CTNNA2: variants seen among roughly 807,000 people sequenced by gnomAD.
CTNNA2 encodes the protein catenin alpha 2.
In CTNNA2, 42 loss-of-function variants were observed where a neutral mutation model predicts 101.0. That is an observed-to-expected ratio of 0.42 (90% CI 0.32 to 0.54). CTNNA2 has a LOEUF of 0.54. Ranked by LOEUF, CTNNA2 falls within the 20% of genes least tolerant of loss-of-function variation. CTNNA2 has a pLI of 0.14. For missense variants in CTNNA2, 871 were observed against 1,223.1 expected (o/e 0.71, Z 4.29); for synonymous variants, 450 against 456.4 (o/e 0.99, Z 0.18).
At chr2:79,944,041 T>C (rs1688330321) in intron 7 of CTNNA2, among the ~76,000 whole-genome samples, 1 of 152,222 alleles carries the variant, frequency 6.6e-6, no homozygotes, top group Non-Finnish European at 1.5e-5. Flanking sequence ...ATGAGAATGC[T>C]GCAGCCTGAA....
chr2:80,124,558 G>A (rs1336668992), intron 7 of CTNNA2, among the ~76,000 whole-genome samples: 1 of 152,022 alleles, frequency 6.6e-6, no homozygotes, highest in Non-Finnish European at 1.5e-5. Context: ...TCCAAACATA[G>A]TTTACTAAAT....
chr2:80,318,920 T>A (rs1186354354), intron 7 of CTNNA2, among the ~76,000 whole-genome samples: 1 of 152,196 alleles, frequency 6.6e-6, no homozygotes, highest in Non-Finnish European at 1.5e-5. Context: ...ATTGGCAGTA[T>A]CAGAATGATC....
chr2:79,373,375 T>A (rs555402655), intron 3 of CTNNA2, among the ~76,000 whole-genome samples: 1 of 152,334 alleles, frequency 6.6e-6, no homozygotes, highest in African/African-American at 2.4e-5. Flanking sequence ...TTATACTCCC[T>A]GATAATTATT....
chr2:79,691,333 G>A (rs1474101944), intron 2 of CTNNA2, among the ~76,000 whole-genome samples: 1 of 151,804 alleles, frequency 6.6e-6, no homozygotes, highest in South Asian at 2.1e-4. Context: ...ACATTTCCTT[G>A]GGAGTTATAC....
At chr2:79,795,915 G>T (rs1363109562) in intron 3 of CTNNA2, among the ~76,000 whole-genome samples, 1 of 152,124 alleles carries the variant, frequency 6.6e-6, no homozygotes, top group Non-Finnish European at 1.5e-5. Flanking sequence ...ACACAAAAGA[G>T]TTCCTAGTAT....
upstream of CTNNA2, among the ~76,000 whole-genome samples, chr2:79,509,147 G>A (rs1298479395): frequency 1.3e-5 from 2 of 151,454 alleles, no homozygotes; most frequent in African/African-American, 4.9e-5. Context: ...TACATAAAAC[G>A]ACAAAAGTGA....
upstream of CTNNA2, among the ~76,000 whole-genome samples, chr2:79,508,809 G>T (rs921873634): frequency 1.3e-5 from 2 of 151,594 alleles, no homozygotes; most frequent in South Asian, 4.2e-4. Flanking sequence ...CTTGTCCAAT[G>T]TCACAAACTA....
chr2:79,518,493 A>G (rs1193748878), intron 1 of CTNNA2, among the ~76,000 whole-genome samples: 1 of 152,212 alleles, frequency 6.6e-6, no homozygotes, highest in Non-Finnish European at 1.5e-5. Context: ...AGTAGGTCCA[A>G]TATCTTTTTT....
intron 7 of CTNNA2, among the ~76,000 whole-genome samples, chr2:79,990,852 G>T (rs2103894099): frequency 6.6e-6 from 1 of 152,284 alleles, no homozygotes; most frequent in Non-Finnish European, 1.5e-5. Flanking sequence ...CAGAAGGAAT[G>T]GTACCAGCTC....
intron 7 of CTNNA2, among the ~76,000 whole-genome samples, chr2:80,086,026 T>C (rs1295899419): frequency 6.6e-6 from 1 of 152,096 alleles, no homozygotes; most frequent in Non-Finnish European, 1.5e-5. Context: ...TATTTGGGAA[T>C]ATCTGACTTG....
At chr2:79,432,220 A>T (rs576215124) in intron 4 of CTNNA2, among the ~76,000 whole-genome samples, 1 of 152,312 alleles carries the variant, frequency 6.6e-6, no homozygotes, top group Admixed American at 6.5e-5. Context: ...AAGTATTTGC[A>T]AAGTACGATT....
chr2:79,610,624 T>C (rs889992568), intron 1 of CTNNA2, among the ~76,000 whole-genome samples: 2 of 152,104 alleles, frequency 1.3e-5, no homozygotes, highest in East Asian at 3.9e-4. Flanking sequence ...ATGTATACTA[T>C]AGGATTCCAT....
chr2:79,521,054 C>G (rs982300116), intron 1 of CTNNA2, among the ~76,000 whole-genome samples: 1 of 143,580 alleles, frequency 7.0e-6, no homozygotes, highest in Non-Finnish European at 1.5e-5. Flanking sequence ...ACCAAAATAC[C>G]TGTCAAATTC....
chr2:80,596,335 A>T (rs1474741393), intron 15 of CTNNA2, among the ~76,000 whole-genome samples: 1 of 64,570 alleles, frequency 1.5e-5, no homozygotes. Context: ...TTTGAGACGG[A>T]GTCTCGCTCT....
At chr2:80,355,119 C>G (rs1226805207) in intron 7 of CTNNA2, among the ~76,000 whole-genome samples, 1 of 152,168 alleles carries the variant, frequency 6.6e-6, no homozygotes, top group Non-Finnish European at 1.5e-5. Context: ...GGCAATGAAT[C>G]TTCTTCCTAA....
intron 3 of CTNNA2, among the ~76,000 whole-genome samples, chr2:79,346,587 C>T (rs1395810127): frequency 1.3e-5 from 2 of 152,090 alleles, no homozygotes; most frequent in African/African-American, 4.8e-5. Flanking sequence ...GGAAGAAACC[C>T]ACATCTGTAG....
In CTNNA2 at chr2:79,345,099, GT is replaced by G. The variant is rs1400346592; in HGVS notation, c.-317-28723del. 9.5e-4 allele frequency among the ~76,000 whole-genome samples: 45 copies of G among 47,504 alleles called. No homozygotes were observed. In the East Asian group the frequency reaches 0.018, roughly 19 times the overall value. 31.2% of individuals were successfully genotyped at this position (47,504 alleles called of 152,430 possible). On this transcript the variant is annotated intron_variant, in intron 3 of 21. Transcript: ENST00000466387. ...TTGTTAATATTTTATTATGGAATGTGTTTTTTTTTAAAAAAAAAAGCAAAAT... is the reference window on the plus strand; with the variant it reads ...TTGTTAATATTTTATTATGGAATGTGTTTTTTTTAAAAAAAAAAGCAAAAT...
At chr2:79,843,768 G>C (rs1009100992) in intron 3 of CTNNA2, among the ~76,000 whole-genome samples, 1 of 151,998 alleles carries the variant, frequency 6.6e-6, no homozygotes, top group East Asian at 1.9e-4. Context: ...ACCAGTTCTC[G>C]TACTTACCAC....
intron 4 of CTNNA2, among the ~76,000 whole-genome samples, chr2:79,458,528 T>C (rs1558670934): frequency 6.6e-6 from 1 of 152,136 alleles, no homozygotes; most frequent in Non-Finnish European, 1.5e-5. Context: ...ACTCACTTAT[T>C]TTTTCATCAC....
Sources: gnomAD v4.1 joint callset for allele counts (sites outside exome capture counted in the v4.1 genomes callset) on GRCh38, gnomAD v4.1.1 for gene constraint, MANE v1.5 for transcripts, NCBI Gene and HGNC (gene_info 2026-07-23, HGNC 2026-07-21) for gene names.